ZMYM6: variants seen among roughly 807,000 people sequenced by gnomAD.
ZMYM6 encodes zinc finger MYM-type containing 6.
In ZMYM6, 90 loss-of-function variants were observed where a neutral mutation model predicts 134.0. That is an observed-to-expected ratio of 0.67 (90% CI 0.57 to 0.80). ZMYM6 has a LOEUF of 0.80. Among genes scored for constraint, ZMYM6 ranks in the 30% least tolerant of loss-of-function variants. ZMYM6 has a pLI of 0.00. For missense variants in ZMYM6, 1,362 were observed against 1,533.9 expected (o/e 0.89, Z 1.87); for synonymous variants, 481 against 524.1 (o/e 0.92, Z 1.12).
chr1:35,011,672 T>C (rs1240237593), intron 8 of ZMYM6, among the ~76,000 whole-genome samples: 1 of 152,224 alleles, frequency 6.6e-6, no homozygotes, highest in Non-Finnish European at 1.5e-5. Flanking sequence ...AATGACAGTT[T>C]AGGCTAGGAT....
At position 35,012,547 on chromosome 1, in the gene ZMYM6, T is replaced by C; in HGVS notation, c.830A>G (p.Lys277Arg). The change falls in exon 7 of 16, where the codon AAG becomes AGG. Residue 277 changes from lysine (K) to arginine (R), a missense_variant. Physicochemically the swap from Lys to Arg is conservative, Grantham distance 26. Around this residue, in one of 3 missense-constraint regions of ZMYM6, gnomAD observed 503 missense variants for 520.8 expected, o/e 0.97. Coordinates refer to ENST00000357182, the MANE Select transcript of ZMYM6 (RefSeq NM_007167.4). ...SAQIPPYALG[K>R]SLRPSAEMIE... ...CATTTCAGCTGAGGGCCTCAATGAC[T>C]TCCCCAGGGCATATGGAGGAATTTG... 2 of 1,613,544 alleles carry C rather than the reference T, an allele frequency of 1.2e-6. No homozygotes were observed. The highest frequency in any genetic ancestry group is 1.7e-6 in the Non-Finnish European group (2 of 1,179,792).
At chr1:35,025,959 G>A (rs538314286) in intron 2 of ZMYM6, among the ~76,000 whole-genome samples, 2 of 152,182 alleles carry the variant, frequency 1.3e-5, no homozygotes, top group South Asian at 4.1e-4. Context: ...GATTACAGCA[G>A]GCAGGAATAA....
At chr1:35,025,448 C>G (rs949823333) in intron 2 of ZMYM6, among the ~76,000 whole-genome samples, 9 of 66,134 alleles carry the variant, frequency 1.4e-4, no homozygotes, top group African/African-American at 5.5e-4. Flanking sequence ...GCCTGGGCTA[C>G]AAAGCAAGAC....
rs58813509 is a variant in ZMYM6 at position 35,025,533 on chromosome 1, G to A, written c.93+5014C>T. On this transcript the variant is annotated intron_variant, in intron 2 of 15. Transcript: ENST00000357182. ...GCACAAAGCAGCAGAAAGCATACAA[G>A]TTTGAAGACAATTAGGTTTAAATGA... 6.8e-3 allele frequency among the ~76,000 whole-genome samples: 998 copies of A among 145,970 alleles called. 16 individuals are homozygous for A. The highest frequency in any genetic ancestry group is 0.024 in the African/African-American group (959 of 39,970).
intron 6 of ZMYM6, chr1:35,013,119 C>A: frequency 1.1e-6 from 1 of 870,484 alleles, no homozygotes; most frequent in Middle Eastern, 5.9e-4. Context: ...AAATAGCTAC[C>A]ATTTACATAA....
rs1210842793 is a variant in ZMYM6, at chr1:35,015,132, T to C, written c.459A>G (p.Thr153=). 1 of 1,609,348 alleles carries C rather than the reference T, an allele frequency of 6.2e-7. No individual in the cohort carries two copies. Among genetic ancestry groups the C allele is most frequent in the East Asian group, 2.2e-5 (1 of 44,838 alleles). Reference sequence around the variant, plus strand: ...TAGGATAGGAATTCTCAAAGCGAGTTGTGATCACATCCTTAGGATTTAAAA... The same window carrying C: ...TAGGATAGGAATTCTCAAAGCGAGTCGTGATCACATCCTTAGGATTTAAAA... ...KDILNPKDVI[T]TRFENSYPSK... is the part of the protein sequence containing the mutation. The change falls in exon 5 of 16, where the codon ACA becomes ACG. Residue 153 remains threonine (T), a synonymous_variant. Transcript: ENST00000357182.
In ZMYM6 at chr1:35,012,905, A is replaced by C. The variant is rs7543351; in HGVS notation, c.796-324T>G. 84 of 985,200 alleles carry C rather than the reference A, an allele frequency of 8.5e-5. No individual in the cohort carries two copies. The African/African-American group carries it at 1.4e-3, about 16-fold the overall frequency. The allele number at this position is 985,200 out of a possible 1,614,324, so 61.0% of individuals were successfully genotyped here. A position where few individuals can be genotyped will look rare whatever the true frequency, so the allele number is the denominator to read the frequency against. On this transcript the variant is annotated intron_variant, in intron 6 of 15. Coordinates refer to ENST00000357182, the MANE Select transcript of ZMYM6 (RefSeq NM_007167.4). ...GAAGACCAGCTAACCCATGAACCAA[A>C]GGGTCATTCTTGGTATAGTCTTGTA...
At chr1:35,014,633 C>A in intron 6 of ZMYM6, 64 bp downstream of exon 6, 1 of 1,506,658 alleles carries the variant, frequency 6.6e-7, no homozygotes, top group South Asian at 1.2e-5. Context: ...TTTTGTAGTT[C>A]ATCCCTGTGC....
chr1:35,012,664 C>A, intron 6 of ZMYM6, 83 bp from the exon 7 acceptor site: 1 of 1,539,824 alleles, frequency 6.5e-7, no homozygotes, highest in South Asian at 1.3e-5. Context: ...GAAAAGCTAC[C>A]TACAACCACG....
intron 2 of ZMYM6, among the ~76,000 whole-genome samples, chr1:35,028,630 G>C (rs945622291): frequency 1.4e-4 from 21 of 151,440 alleles, no homozygotes; most frequent in Non-Finnish European, 3.1e-4. Context: ...CTCCCAAGTA[G>C]CTGGGACTAC....
intron 2 of ZMYM6, 96 bp downstream of exon 2, chr1:35,030,451 C>T: frequency 8.2e-7 from 1 of 1,212,356 alleles, no homozygotes; most frequent in South Asian, 1.4e-5. Flanking sequence ...TTATTTTAAA[C>T]TTACAAACCA....
intron 2 of ZMYM6, among the ~76,000 whole-genome samples, chr1:35,026,164 G>A (rs1641410736): frequency 6.6e-6 from 1 of 152,002 alleles, no homozygotes; most frequent in African/African-American, 2.4e-5. Flanking sequence ...GGGATGACAG[G>A]CGCCCACCAC....
chr1:35,026,097 T>G (rs866116809), intron 2 of ZMYM6, among the ~76,000 whole-genome samples: 1 of 152,178 alleles, frequency 6.6e-6, no homozygotes, highest in Non-Finnish European at 1.5e-5. Flanking sequence ...CTCAGTTCAC[T>G]GCAACCTCCG....
At chr1:35,004,971 T>C (rs1355505255) in intron 13 of ZMYM6, among the ~76,000 whole-genome samples, 161 bp downstream of exon 13, 3 of 151,968 alleles carry the variant, frequency 2.0e-5, no homozygotes, top group Non-Finnish European at 4.4e-5. Context: ...GGCAGGAGAA[T>C]TGCTTGAACC....
In ZMYM6 at chr1:34,987,768, T is replaced by A; in HGVS notation, c.3314A>T (p.His1105Leu). ...CAGCTTTCCAACCCATTCCTCATCA[T>A]GAAAATACTTGGCCAAATCTGAATG... ...QKHSDLAKYF[H>L]DEEWVGKLAY... The change falls in exon 16 of 16, where the codon CAT (histidine) becomes CTT (leucine). Residue 1105 changes from histidine (H) to leucine (L), a missense_variant. By Grantham distance (99) the His-to-Leu change is moderately conservative. Around this residue, in one of 3 missense-constraint regions of ZMYM6, gnomAD observed 824 missense variants for 940.9 expected, o/e 0.88. Coordinates refer to ENST00000357182, the MANE Select transcript of ZMYM6 (RefSeq NM_007167.4). 1 of 1,551,554 alleles carries A rather than the reference T, an allele frequency of 6.4e-7. No homozygotes were observed. The highest frequency in any genetic ancestry group is 8.7e-7 in the Non-Finnish European group (1 of 1,146,966).
chr1:35,019,379 GGGA>G lies in ZMYM6; in HGVS notation c.399_401del (p.Pro134del), dbSNP rs1355090587. The G allele has an allele frequency of 6.2e-7, 1 of 1,614,180 alleles. No homozygotes were observed. On this transcript the variant is annotated inframe_deletion, in exon 4 of 16. Coordinates refer to ENST00000357182, the MANE Select transcript of ZMYM6 (RefSeq NM_007167.4). ...TCGAGCAGTTTGTGCAGGTTTTCTT[GGGA>G]GGAGGTGGCAGGCAGGCAGGTGAAG... is the stretch of plus-strand genomic sequence containing the variant.
chr1:35,028,979 T>C (rs1247897796), intron 2 of ZMYM6, among the ~76,000 whole-genome samples: 1 of 151,288 alleles, frequency 6.6e-6, no homozygotes, highest in Non-Finnish European at 1.5e-5. Context: ...TCACCTGAGG[T>C]CAGGAGTTTG....
chr1:35,004,713 G>A lies in ZMYM6; in HGVS notation c.1954+419C>T, dbSNP rs546284202. Among the ~76,000 whole-genome samples the A allele has an allele frequency of 5.3e-5, 8 of 152,180 alleles. No homozygotes were observed. In the South Asian group the frequency reaches 6.2e-4, roughly 12 times the overall value. ...TCCCCTGAGGCGGGGGTGGGGAGGC[G>A]GTGGGAGGGGGTGCATGTTCCCCTA... On this transcript the variant is annotated intron_variant, in intron 13 of 15. Coordinates refer to ENST00000357182, the MANE Select transcript of ZMYM6 (RefSeq NM_007167.4).
chr1:34,994,018 A>C (rs1640732396), intron 14 of ZMYM6, among the ~76,000 whole-genome samples: 1 of 152,192 alleles, frequency 6.6e-6, no homozygotes, highest in Non-Finnish European at 1.5e-5. Flanking sequence ...AAAAAAAAAA[A>C]AACTTCTGTA....
Sources: allele counts gnomAD v4.1 joint callset (sites outside exome capture counted in the v4.1 genomes callset), GRCh38; gene constraint gnomAD v4.1.1; regional missense constraint gnomAD v4.1.1; transcripts MANE v1.5; gene names NCBI Gene and HGNC (gene_info 2026-07-23, HGNC 2026-07-21).